ACTN4: variants seen among roughly 807,000 people sequenced by gnomAD.
ACTN4 encodes actinin alpha 4, also known as alpha-actinin-4.
ACTN4 carries 18 observed loss-of-function variants against 114.2 expected under a neutral mutation model. That is an observed-to-expected ratio of 0.16 (90% CI 0.11 to 0.23). ACTN4 has a LOEUF of 0.23. ACTN4 is among the 10% of genes least tolerant of loss of function. The pLI is 1.00. For synonymous variants in ACTN4, 515 were observed against 506.3 expected (o/e 1.02, Z -0.23); for missense variants, 722 against 1,262.9 (o/e 0.57, Z 6.49).
chr19:38,709,899 C>T (rs188666387), intron 7 of ACTN4, among the ~76,000 whole-genome samples: 6 of 152,296 alleles, frequency 3.9e-5, no homozygotes, highest in Admixed American at 6.5e-5. Context: ...TTTCCTTTTC[C>T]GGCTTTGCTC....
At chr19:38,687,640 G>A (rs959701328) in intron 1 of ACTN4, among the ~76,000 whole-genome samples, 2 of 152,098 alleles carry the variant, frequency 1.3e-5, no homozygotes, top group Middle Eastern at 3.2e-3. Context: ...AACTCCAAAC[G>A]GATCAGATAC....
intron 1 of ACTN4, among the ~76,000 whole-genome samples, chr19:38,650,262 C>T (rs543427228): frequency 8.5e-5 from 13 of 152,214 alleles, no homozygotes; most frequent in Admixed American, 2.0e-4. Context: ...ACTCCTTTTG[C>T]GAGCCGGGTT....
intron 11 of ACTN4, among the ~76,000 whole-genome samples, chr19:38,719,840 G>A (rs1968976189): frequency 6.6e-6 from 1 of 152,216 alleles, no homozygotes; most frequent in Non-Finnish European, 1.5e-5. Context: ...TGGGTGTGGT[G>A]GCCCCACTGG....
intron 4 of ACTN4, among the ~76,000 whole-genome samples, chr19:38,705,506 G>A (rs1013945426): frequency 1.3e-5 from 2 of 152,218 alleles, no homozygotes; most frequent in Non-Finnish European, 2.9e-5. Context: ...CTGGGCTAGC[G>A]TGCAGGGGCT....
Position 38,725,907 on chromosome 19 carries a change from C to G in ACTN4, c.2190+4C>G. The stretch of plus-strand genomic sequence containing the variant: ...GCACACCAACTATACCATGGAGGTG[C>G]GCGGCTGCCCCGCCCGCTGGCCTTT... On this transcript the variant is annotated splice_donor_region_variant and intron_variant, in intron 17 of 20. Coordinates refer to ENST00000252699, the MANE Select transcript of ACTN4 (RefSeq NM_004924.6). The G allele has an allele frequency of 6.2e-7, 1 of 1,613,662 alleles. No homozygotes were observed. Among genetic ancestry groups the G allele is most frequent in the Middle Eastern group, 1.7e-4 (1 of 5,770 alleles).
chr19:38,677,003 G>A (rs969538132), intron 1 of ACTN4, among the ~76,000 whole-genome samples: 3 of 152,116 alleles, frequency 2.0e-5, no homozygotes, highest in Non-Finnish European at 4.4e-5. Flanking sequence ...TCTGTGCTCC[G>A]GGCGCATGCC....
At chr19:38,691,309 G>A (rs1967915795) in intron 1 of ACTN4, among the ~76,000 whole-genome samples, 1 of 147,850 alleles carries the variant, frequency 6.8e-6, no homozygotes, top group South Asian at 2.1e-4. Flanking sequence ...GCTGAGGCCA[G>A]AGAATAGCTT....
At chr19:38,688,799 T>G (rs527366606) in intron 1 of ACTN4, among the ~76,000 whole-genome samples, 2 of 151,862 alleles carry the variant, frequency 1.3e-5, no homozygotes, top group Non-Finnish European at 2.9e-5. Flanking sequence ...AATCAGAAAG[T>G]CAGATAATAA....
At chr19:38,672,718 C>A (rs1967171003) in intron 1 of ACTN4, among the ~76,000 whole-genome samples, 1 of 151,408 alleles carries the variant, frequency 6.6e-6, no homozygotes, top group Non-Finnish European at 1.5e-5. Context: ...GGATAACAGG[C>A]ATGTGCCACC....
At chr19:38,728,647 TTCTTTC>T (rs941360994) in intron 19 of ACTN4, among the ~76,000 whole-genome samples, 1 of 152,138 alleles carries the variant, frequency 6.6e-6, no homozygotes, top group Non-Finnish European at 1.5e-5. Context: ...TCTCCCCTTT[TTCTTTC>T]TCTTTCTCTC....
Position 38,708,096 on chromosome 19 carries a change from C to T in ACTN4, c.573-21C>T, listed in dbSNP as rs756588170. The stretch of plus-strand genomic sequence containing the variant: ...TGACAGTGAGCGGGCCCTCCTATAA[C>T]CTTTGCCTTTCCTTCCCCAGCTGGA... On this transcript the variant is annotated intron_variant, in intron 5 of 20. Coordinates refer to ENST00000252699, the MANE Select transcript of ACTN4 (RefSeq NM_004924.6). 4 of 1,613,860 alleles carry T rather than the reference C, an allele frequency of 2.5e-6. No homozygotes were observed. In the South Asian group the frequency reaches 4.4e-5, roughly 18 times the overall value.
chr19:38,703,125 A>T (rs1599824101), intron 3 of ACTN4, among the ~76,000 whole-genome samples: 1 of 151,890 alleles, frequency 6.6e-6, no homozygotes, highest in East Asian at 1.9e-4. Context: ...GCCTTCTCTC[A>T]CCCAGCCGCA....
Position 38,724,099 on chromosome 19 carries a change from A to G in ACTN4, c.1692+22A>G, listed in dbSNP as rs1568745235. The G allele has an allele frequency of 3.7e-6, 6 of 1,613,384 alleles. No homozygotes were observed. Among genetic ancestry groups the G allele is most frequent in the Non-Finnish European group, 4.2e-6 (5 of 1,179,940 alleles). On this transcript the variant is annotated intron_variant, in intron 14 of 20. Transcript: ENST00000252699. This position sits in a 1 kb window ranked among gnomAD's most constrained non-coding sequence, Gnocchi z 7.0. ...TGAGGTTCGCACCCCCCGGCCCCCC[A>G]TCTTCCCAAGAGCCTCTGTGGGGCT...
rs755714359 is a variant in ACTN4 at position 38,724,359 on chromosome 19, A to AGGGGCTGGGGCAGGACGGC, written c.1875+31_1876-43dup. ...GAGAAGGTGGGCCGGGGCCATCCGT[A>AGGGGCTGGGGCAGGACGGC]GGGGCTGGGGCAGGACGGCGGGGCT... On this transcript the variant is annotated intron_variant, in intron 15 of 20. Coordinates refer to ENST00000252699, the MANE Select transcript of ACTN4 (RefSeq NM_004924.6). The surrounding 1 kb of genome is among the most constrained non-coding windows in gnomAD (Gnocchi z 7.0). The AGGGGCTGGGGCAGGACGGC allele has an allele frequency of 1.2e-5, 19 of 1,612,692 alleles. No individual in the cohort carries two copies. In the African/African-American group the frequency reaches 2.5e-4, roughly 22 times the overall value.
At chr19:38,701,969 C>T (rs768144565) in intron 3 of ACTN4, among the ~76,000 whole-genome samples, 24 of 152,230 alleles carry the variant, frequency 1.6e-4, no homozygotes, top group Admixed American at 3.3e-4. Flanking sequence ...GGCTCTGCCC[C>T]GGCCCAGGAC....
rs1261872542 is a variant in ACTN4 at position 38,717,031 on chromosome 19, C to T, written c.913-55C>T. 18 of 1,552,296 alleles carry T rather than the reference C, an allele frequency of 1.2e-5. No homozygotes were observed. Among genetic ancestry groups the T allele is most frequent in the South Asian group, 1.0e-4 (9 of 86,100 alleles). On this transcript the variant is annotated intron_variant, in intron 9 of 20. Coordinates refer to ENST00000252699, the MANE Select transcript of ACTN4 (RefSeq NM_004924.6). This position sits in a 1 kb window ranked among gnomAD's most constrained non-coding sequence, Gnocchi z 4.0. Reference sequence around the variant, plus strand: ...TGTGCCCATAAGCTGGGGGGCAGCCCGTCAGCACTCTGAGGGTCCCCCACA... The same window carrying T: ...TGTGCCCATAAGCTGGGGGGCAGCCTGTCAGCACTCTGAGGGTCCCCCACA...
At chr19:38,728,227 T>C in intron 19 of ACTN4, 1 of 1,431,242 alleles carries the variant, frequency 7.0e-7, no homozygotes, top group Non-Finnish European at 9.6e-7. Flanking sequence ...TCCCCGCCAC[T>C]GTCCTGTCTG....
At chr19:38,654,604 C>T (rs1976662535) in intron 1 of ACTN4, among the ~76,000 whole-genome samples, 1 of 151,334 alleles carries the variant, frequency 6.6e-6, no homozygotes, top group South Asian at 2.1e-4. Context: ...TAAATCTTTG[C>T]ATATATTTAA....
chr19:38,668,606 A>T (rs1568684855), intron 1 of ACTN4, among the ~76,000 whole-genome samples: 1 of 152,174 alleles, frequency 6.6e-6, no homozygotes, highest in Non-Finnish European at 1.5e-5. Flanking sequence ...GAATTGCTTG[A>T]ACCTGAGAGG....
Sources: gnomAD v4.1 joint callset for allele counts (sites outside exome capture counted in the v4.1 genomes callset) on GRCh38, gnomAD v4.1.1 for gene constraint, Gnocchi (gnomAD v3.1) non-coding constraint, MANE v1.5 for transcripts, NCBI Gene and HGNC (gene_info 2026-07-23, HGNC 2026-07-21) for gene names.